LRRC4C: variants seen among roughly 807,000 people sequenced by gnomAD.
LRRC4C encodes the protein leucine rich repeat containing 4C, also known as leucine-rich repeat-containing protein 4C.
A neutral mutation model predicts 33.6 loss-of-function variants in LRRC4C; 5 were observed. The observed-to-expected ratio is 0.15, with a 90% CI of 0.08 to 0.31. LRRC4C has a LOEUF of 0.31. Ranked by LOEUF, LRRC4C falls within the 10% of genes least tolerant of loss-of-function variation. The pLI, the probability that LRRC4C is intolerant of heterozygous loss-of-function variation, is 1.00. For missense variants in LRRC4C, 560 were observed against 796.7 expected (o/e 0.70, Z 3.58); for synonymous variants, 329 against 302.0 (o/e 1.09, Z -0.93).
intron 2 of LRRC4C, among the ~76,000 whole-genome samples, chr11:40,797,352 GAT>G (rs1950875105): frequency 6.6e-6 from 1 of 152,084 alleles, no homozygotes; most frequent in Non-Finnish European, 1.5e-5. Flanking sequence ...TGAGAGAAGA[GAT>G]CCTATGGCAA....
Position 40,115,295 on chromosome 11 carries a change from G to T in LRRC4C, c.998C>A (p.Pro333His). The change falls in exon 7 of 7, where the codon CCT becomes CAT. Residue 333 changes from proline (P) to histidine (H), a missense_variant. Pro to His is a moderately conservative substitution (Grantham distance 77). Transcript: ENST00000528697. The surrounding 1 kb of genome is among the most constrained non-coding windows in gnomAD (Gnocchi z 6.7). ...NTACCARCNT[P>H]PNLKGRYIGE... ...AATGTACCTCCCCTTTAGATTGGGA[G>T]GAGTGTTACACCGGGCACAACAAGC... is the stretch of plus-strand genomic sequence containing the variant. 1 of 1,614,160 alleles carries T rather than the reference G, an allele frequency of 6.2e-7. No individual in the cohort carries two copies.
intron 1 of LRRC4C, among the ~76,000 whole-genome samples, chr11:41,209,411 C>G (rs115700129): frequency 1.3e-5 from 2 of 151,510 alleles, no homozygotes; most frequent in Non-Finnish European, 2.9e-5. Context: ...GCACAAAACC[C>G]GTAGTTTCAC....
Position 40,960,263 on chromosome 11 carries a change from A to G in LRRC4C, c.-495-26540T>C, listed in dbSNP as rs539224406. ...TTTGAAGGTTCATTATCAAATTTCT[A>G]ATTTGTGTGAATTTGGATTTTTGAT... is the stretch of plus-strand genomic sequence containing the variant. On this transcript the variant is annotated intron_variant, in intron 1 of 6. Transcript: ENST00000528697. Among the ~76,000 whole-genome samples, 6 of 151,902 alleles carry G rather than the reference A, an allele frequency of 3.9e-5. No individual in the cohort carries two copies. In the East Asian group the frequency reaches 1.2e-3, roughly 29 times the overall value.
chr11:40,665,323 AAAATATATAT>A (rs1206845082), intron 2 of LRRC4C, among the ~76,000 whole-genome samples: 9 of 10,930 alleles, frequency 8.2e-4, no homozygotes, highest in Admixed American at 5.0e-3. Context: ...AAAAAAAAAA[AAAATATATAT>A]ATATATATAT....
chr11:40,870,877 C>G (rs537213943), intron 2 of LRRC4C, among the ~76,000 whole-genome samples: 1 of 152,086 alleles, frequency 6.6e-6, no homozygotes, highest in Non-Finnish European at 1.5e-5. Flanking sequence ...CTCTGACTGC[C>G]GGTGAGCCAT....
intron 1 of LRRC4C, among the ~76,000 whole-genome samples, chr11:41,418,601 G>C (rs1954770592): frequency 6.6e-6 from 1 of 151,904 alleles, no homozygotes; most frequent in East Asian, 1.9e-4. Context: ...GATATCGCCA[G>C]CTAGGGGGGT....
At chr11:41,387,125 T>C (rs983988221) in intron 1 of LRRC4C, among the ~76,000 whole-genome samples, 3 of 151,876 alleles carry the variant, frequency 2.0e-5, no homozygotes, top group South Asian at 4.1e-4. Context: ...TGGGGTCAAA[T>C]GTCTTTATTA....
chr11:40,407,574 T>C (rs1376628832), intron 3 of LRRC4C, among the ~76,000 whole-genome samples: 4 of 152,064 alleles, frequency 2.6e-5, no homozygotes, highest in Admixed American at 6.6e-5. Flanking sequence ...ACAAATGTCA[T>C]AGATATATTA....
intron 2 of LRRC4C, among the ~76,000 whole-genome samples, chr11:40,799,000 T>C (rs889645046): frequency 3.9e-5 from 6 of 152,216 alleles, no homozygotes; most frequent in East Asian, 1.9e-4. Context: ...AAAACAAATA[T>C]GGTAAAATAT....
At chr11:41,166,026 T>C (rs1410876023) in intron 1 of LRRC4C, among the ~76,000 whole-genome samples, 2 of 141,330 alleles carry the variant, frequency 1.4e-5, no homozygotes, top group Admixed American at 7.9e-5. Flanking sequence ...AGCGAAATTC[T>C]GTCAAAAAAA....
chr11:40,695,643 G>C (rs7926567), intron 2 of LRRC4C, among the ~76,000 whole-genome samples: 29,708 of 152,032 alleles, frequency 0.2, 4,119 homozygotes, highest in African/African-American at 0.39. Context: ...TTTGGCGTCT[G>C]TAGGGGAGAA....
At chr11:40,400,419 G>T (rs1176536528) in intron 3 of LRRC4C, among the ~76,000 whole-genome samples, 5 of 152,106 alleles carry the variant, frequency 3.3e-5, no homozygotes, top group Non-Finnish European at 5.9e-5. Context: ...TAAAGTGTGT[G>T]TGTATATATG....
At chr11:40,860,581 T>A (rs1437344215) in intron 2 of LRRC4C, among the ~76,000 whole-genome samples, 2 of 152,122 alleles carry the variant, frequency 1.3e-5, no homozygotes, top group Non-Finnish European at 2.9e-5. Flanking sequence ...AGTCTCTGAC[T>A]TTGTTGTCAC....
rs1032343856 is a variant in LRRC4C at position 40,717,640 on chromosome 11, G to A, written c.-406-69362C>T. Reference sequence around the variant, plus strand: ...AGTGCCTGTAGGTACCAGTCACTGCGCTGTAAAACCTGTACACAGGTTTAC... The same window carrying A: ...AGTGCCTGTAGGTACCAGTCACTGCACTGTAAAACCTGTACACAGGTTTAC... On this transcript the variant is annotated intron_variant, in intron 2 of 6. Transcript: ENST00000528697. Among the ~76,000 whole-genome samples the A allele has an allele frequency of 1.2e-4, 18 of 152,114 alleles. 1 individual carries two copies. Among genetic ancestry groups the A allele is most frequent in the African/African-American group, 2.9e-4 (12 of 41,474 alleles).
At chr11:40,602,500 A>G (rs1439195945) in intron 3 of LRRC4C, among the ~76,000 whole-genome samples, 1 of 152,166 alleles carries the variant, frequency 6.6e-6, no homozygotes, top group Non-Finnish European at 1.5e-5. Flanking sequence ...TGTAATTATG[A>G]GAGTTAAATG....
chr11:41,286,976 G>A lies in LRRC4C; in HGVS notation c.-496+172455C>T, dbSNP rs569668140. 2.6e-5 allele frequency among the ~76,000 whole-genome samples: 4 copies of A among 152,238 alleles called. No homozygotes were observed. In the East Asian group the frequency reaches 7.7e-4, roughly 29 times the overall value. ...TACCAGTGAAGGAAATTAGCACAAG[G>A]TGAGATAAAGCTTCAGCAATTTATT... On this transcript the variant is annotated intron_variant, in intron 1 of 6. Transcript: ENST00000528697.
chr11:41,133,692 G>T (rs1943126364), intron 1 of LRRC4C, among the ~76,000 whole-genome samples: 2 of 152,064 alleles, frequency 1.3e-5, no homozygotes, highest in South Asian at 4.1e-4. Context: ...TGACAATAAA[G>T]TACCAAATTG....
At chr11:40,391,962 A>G (rs1312913768) in intron 3 of LRRC4C, among the ~76,000 whole-genome samples, 1 of 152,210 alleles carries the variant, frequency 6.6e-6, no homozygotes, top group Non-Finnish European at 1.5e-5. Context: ...ATTATTCATC[A>G]GTACAAAGAA....
intron 1 of LRRC4C, among the ~76,000 whole-genome samples, chr11:41,304,687 C>CT (rs1950420136): frequency 1.0e-5 from 1 of 99,222 alleles, no homozygotes; most frequent in African/African-American, 3.8e-5. Flanking sequence ...GTCAGCCCCC[C>CT]GCCCGGCCAG....
Sources: gnomAD v4.1 joint callset for allele counts (sites outside exome capture counted in the v4.1 genomes callset) on GRCh38, gnomAD v4.1.1 for gene constraint, Gnocchi (gnomAD v3.1) non-coding constraint, MANE v1.5 for transcripts, NCBI Gene and HGNC (gene_info 2026-07-23, HGNC 2026-07-21) for gene names.